CSMD1: variants seen among roughly 807,000 people sequenced by gnomAD.
CSMD1 encodes CUB and sushi domain-containing protein 1.
Under a neutral mutation model 417.5 loss-of-function variants are expected in CSMD1, and 213 were observed. That is an observed-to-expected ratio of 0.51 (90% CI 0.46 to 0.57). The LOEUF (loss-of-function observed/expected upper bound fraction) is 0.57. Among genes scored for constraint, CSMD1 ranks in the 20% least tolerant of loss-of-function variants. The pLI, the probability that CSMD1 is intolerant of heterozygous loss-of-function variation, is 0.00. For synonymous variants in CSMD1, 2,862 were observed against 1,736.8 expected (o/e 1.65, Z -16.11); for missense variants, 6,923 against 4,529.7 (o/e 1.53, Z -15.17).
chr8:3,002,826 A>G (rs564629157), intron 52 of CSMD1, among the ~76,000 whole-genome samples: 220 of 152,356 alleles, frequency 1.4e-3, no homozygotes, highest in African/African-American at 5.1e-3. Flanking sequence ...GATTCCCAAC[A>G]GCAACTCCTC....
At chr8:4,792,493 T>C (rs1027925644) in intron 1 of CSMD1, among the ~76,000 whole-genome samples, 1 of 152,188 alleles carries the variant, frequency 6.6e-6, no homozygotes, top group Non-Finnish European at 1.5e-5. Flanking sequence ...CTATTCCCGT[T>C]CCCTGGGCAG....
At chr8:4,330,862 T>A (rs1176309171) in intron 3 of CSMD1, among the ~76,000 whole-genome samples, 1 of 152,104 alleles carries the variant, frequency 6.6e-6, no homozygotes, top group African/African-American at 2.4e-5. Context: ...ATTCTACAGC[T>A]CAGCAGGAAT....
chr8:4,121,109 T>A (rs1056136764), intron 3 of CSMD1, among the ~76,000 whole-genome samples: 2 of 151,670 alleles, frequency 1.3e-5, no homozygotes, highest in African/African-American at 4.8e-5. Flanking sequence ...TTATTTATTT[T>A]TATTTTTATT....
At chr8:3,967,841 A>G (rs1219601551) in intron 5 of CSMD1, among the ~76,000 whole-genome samples, 1 of 152,058 alleles carries the variant, frequency 6.6e-6, no homozygotes, top group Admixed American at 6.6e-5. Context: ...AAAGTAACTT[A>G]TGATGACAGC....
intron 4 of CSMD1, among the ~76,000 whole-genome samples, chr8:4,007,169 C>A (rs541754358): frequency 1.3e-5 from 2 of 152,082 alleles, no homozygotes; most frequent in Non-Finnish European, 2.9e-5. Context: ...TGAAATCAAG[C>A]ACTGATGCCC....
At chr8:3,307,849 G>A (rs369160436) in intron 24 of CSMD1, 28 bp from the exon 25 acceptor site, 122 of 1,603,420 alleles carry the variant, frequency 7.6e-5, no homozygotes, top group African/African-American at 2.0e-4. Flanking sequence ...AGATGGGAAC[G>A]TTCAGCTTCA....
intron 7 of CSMD1, among the ~76,000 whole-genome samples, chr8:3,622,051 C>T (rs1218063880): frequency 6.6e-6 from 1 of 151,482 alleles, no homozygotes; most frequent in South Asian, 2.1e-4. Context: ...CATTCTGATA[C>T]TCTACTACTT....
Position 4,994,476 on chromosome 8 carries a change from T to C in CSMD1, c.-60A>G. The C allele has an allele frequency of 6.8e-7, 1 of 1,477,772 alleles. No individual in the cohort carries two copies. The highest frequency in any genetic ancestry group is 9.3e-7 in the Non-Finnish European group (1 of 1,069,626). 91.5% of individuals were successfully genotyped at this position (1,477,772 alleles called of 1,614,324 possible). On this transcript the variant is annotated 5_prime_UTR_variant, in exon 1 of 70. Coordinates refer to ENST00000635120, the MANE Select transcript of CSMD1 (RefSeq NM_033225.6). ...GGCTCCTCCGAGGAAGGCAGGGCTATGAGCGGAGCCAAATAATCACCCGAG... is the reference window on the plus strand; with the variant it reads ...GGCTCCTCCGAGGAAGGCAGGGCTACGAGCGGAGCCAAATAATCACCCGAG...
chr8:4,047,245 T>A (rs1398464253), intron 3 of CSMD1, among the ~76,000 whole-genome samples: 1 of 152,038 alleles, frequency 6.6e-6, no homozygotes, highest in Non-Finnish European at 1.5e-5. Context: ...ATCAAAGTCA[T>A]CTAAGTGGTA....
In CSMD1 at chr8:4,243,065, T is replaced by A. The variant is rs899066338; in HGVS notation, c.415+176888A>T. Among the ~76,000 whole-genome samples the A allele has an allele frequency of 7.6e-4, 116 of 152,232 alleles. 1 individual carries two copies. Among genetic ancestry groups the A allele is most frequent in the African/African-American group, 2.6e-3 (110 of 41,552 alleles). ...TCTGAGTACACGGGTCAGGGGTAGT[T>A]TTTTCCTTTCTTGCCATGAGGTCTT... is the stretch of plus-strand genomic sequence containing the variant. On this transcript the variant is annotated intron_variant, in intron 3 of 69. Transcript: ENST00000635120.
At chr8:3,545,258 G>A (rs1229701090) in intron 10 of CSMD1, among the ~76,000 whole-genome samples, 5 of 152,122 alleles carry the variant, frequency 3.3e-5, no homozygotes, top group African/African-American at 1.2e-4. Flanking sequence ...GAACTTTTCT[G>A]ATTTAAAGAA....
intron 48 of CSMD1, 37 bp from the exon 49 acceptor site, chr8:3,087,322 A>T: frequency 1.9e-6 from 3 of 1,600,962 alleles, no homozygotes; most frequent in Non-Finnish European, 2.6e-6. Context: ...ATAAGTCAAC[A>T]AGCAAACAAA....
chr8:4,883,490 TCTC>T (rs758886461), intron 1 of CSMD1, among the ~76,000 whole-genome samples: 2 of 152,090 alleles, frequency 1.3e-5, no homozygotes, highest in Admixed American at 6.6e-5. Flanking sequence ...CAATTTATTT[TCTC>T]CTCATCAACC....
intron 26 of CSMD1, among the ~76,000 whole-genome samples, chr8:3,231,516 C>G (rs1798837536): frequency 6.6e-6 from 1 of 151,936 alleles, no homozygotes; most frequent in Non-Finnish European, 1.5e-5. Context: ...TGTGCATATA[C>G]ATATGTCTAC....
intron 1 of CSMD1, among the ~76,000 whole-genome samples, chr8:4,747,395 C>G (rs1332228575): frequency 6.6e-6 from 1 of 152,024 alleles, no homozygotes; most frequent in Non-Finnish European, 1.5e-5. Context: ...ACACAACTAA[C>G]AAGATTGGTA....
chr8:4,436,184 C>G (rs566332607), intron 2 of CSMD1, among the ~76,000 whole-genome samples: 1 of 152,268 alleles, frequency 6.6e-6, no homozygotes, highest in East Asian at 1.9e-4. Flanking sequence ...TCTCATCTTA[C>G]AGACACTGGC....
intron 2 of CSMD1, among the ~76,000 whole-genome samples, 156 bp from the exon 3 acceptor site, chr8:4,420,221 T>C (rs1169974819): frequency 1.3e-5 from 2 of 152,218 alleles, no homozygotes; most frequent in Non-Finnish European, 2.9e-5. Flanking sequence ...CTTTGGTTGT[T>C]AAGTATTTGA....
chr8:3,087,385 C>G, intron 48 of CSMD1, 100 bp from the exon 49 acceptor site: 1 of 1,251,502 alleles, frequency 8.0e-7, no homozygotes, highest in Non-Finnish European at 1.1e-6. Context: ...CTTCTCATTT[C>G]CAAAAGGTAG....
At position 3,576,268 on chromosome 8, in the gene CSMD1, A is replaced by AAATAATAATAATAAT. The variant is rs60673988; in HGVS notation, c.1223-1217_1223-1203dup. Reference sequence around the variant, plus strand: ...ACATTTCTCTCTTCCATGCATGTCAAAATAATAATAATAATAATAATAATA... The same window carrying AAATAATAATAATAAT: ...ACATTTCTCTCTTCCATGCATGTCAAAATAATAATAATAATAATAATAATAATAATAATAATAATA... On this transcript the variant is annotated intron_variant, in intron 9 of 69. Transcript: ENST00000635120. Among the ~76,000 whole-genome samples, 117 of 147,704 alleles carry AAATAATAATAATAAT rather than the reference A, an allele frequency of 7.9e-4. 1 individual carries two copies. Among genetic ancestry groups the AAATAATAATAATAAT allele is most frequent in the African/African-American group, 2.7e-3 (108 of 40,012 alleles).
Sources: allele counts gnomAD v4.1 joint callset (sites outside exome capture counted in the v4.1 genomes callset), GRCh38; gene constraint gnomAD v4.1.1; transcripts MANE v1.5; gene names NCBI Gene and HGNC (gene_info 2026-07-23, HGNC 2026-07-21).